Variants in ATP11A observed in about 807,000 individuals in gnomAD.
ATP11A encodes ATPase phospholipid transporting 11A.
ATP11A carries 81 observed loss-of-function variants against 154.4 expected under a neutral mutation model. That is an observed-to-expected ratio of 0.52 (90% CI 0.44 to 0.63). The LOEUF (loss-of-function observed/expected upper bound fraction) is 0.63, where lower values mean the gene tolerates loss of function less well. ATP11A is among the 30% of genes least tolerant of loss of function. The probability of loss-of-function intolerance (pLI) is 0.00; values close to 1 mark genes in which losing one functional copy is unlikely to be tolerated. For missense variants in ATP11A, 1,316 were observed against 1,474.3 expected, an observed-to-expected ratio of 0.89 and a Z score of 1.76; for synonymous variants, 623 against 585.9, an observed-to-expected ratio of 1.06 and a Z score of -0.91.
At chr13:112,766,753 A>G (rs1192910364) in intron 1 of ATP11A, among the ~76,000 whole-genome samples, 1 of 151,066 alleles carries the variant, frequency 6.6e-6, no homozygotes, top group Non-Finnish European at 1.5e-5. Flanking sequence ...CCAGTTCTGC[A>G]GGAAACAGGC....
intron 1 of ATP11A, among the ~76,000 whole-genome samples, chr13:112,783,715 G>A (rs141907277): frequency 1.1e-3 from 160 of 152,366 alleles, no homozygotes; most frequent in African/African-American, 2.9e-3. Flanking sequence ...CCCGTATTCC[G>A]AGGTGGGCTC....
At chr13:112,822,291 C>T (rs1357627773) in intron 8 of ATP11A, among the ~76,000 whole-genome samples, 1 of 152,146 alleles carries the variant, frequency 6.6e-6, no homozygotes, top group South Asian at 2.1e-4. Flanking sequence ...AGCAGGGAAC[C>T]CTGTTATATC....
chr13:112,711,739 G>A (rs532489871), intron 1 of ATP11A, among the ~76,000 whole-genome samples: 2 of 152,332 alleles, frequency 1.3e-5, no homozygotes, highest in South Asian at 2.1e-4. Context: ...CAGAATTCCA[G>A]GCTTGAATTG....
At chr13:112,843,400 C>T (rs1038817234) in intron 17 of ATP11A, among the ~76,000 whole-genome samples, 1 of 152,234 alleles carries the variant, frequency 6.6e-6, no homozygotes, top group Admixed American at 6.5e-5. Context: ...GCACCCTTCT[C>T]CCGACACCAC....
intron 1 of ATP11A, among the ~76,000 whole-genome samples, chr13:112,712,052 C>T (rs557060073): frequency 6.6e-6 from 1 of 152,330 alleles, no homozygotes; most frequent in South Asian, 2.1e-4. Context: ...AGGGGCAGGA[C>T]CTTTTGTCGA....
chr13:112,703,199 A>G (rs1164143761), intron 1 of ATP11A: 1 of 152,232 alleles, frequency 6.6e-6, no homozygotes, highest in Non-Finnish European at 1.5e-5. Context: ...GGGTGTCTGC[A>G]TGGTGAGGTC....
At chr13:112,758,944 TTTACG>T (rs1186236010) in intron 1 of ATP11A, among the ~76,000 whole-genome samples, 3 of 152,262 alleles carry the variant, frequency 2.0e-5, no homozygotes, top group Non-Finnish European at 2.9e-5. Flanking sequence ...GCCTTCATTT[TTTACG>T]TTACATTTTC....
intron 2 of ATP11A, among the ~76,000 whole-genome samples, chr13:112,792,468 C>G (rs895369994): frequency 3.3e-5 from 5 of 152,158 alleles, no homozygotes; most frequent in Non-Finnish European, 7.3e-5. Context: ...GTAGTTAAGA[C>G]TTTTTAAGTG....
chr13:112,819,290 T>G lies in ATP11A; in HGVS notation c.571-14T>G, dbSNP rs762956029. Reference sequence around the variant, plus strand: ...CGTTTTGGCGGTGAGCTCACATGTCTTGTGCATTTGTAGACGCATTACGCG... The same window carrying G: ...CGTTTTGGCGGTGAGCTCACATGTCGTGTGCATTTGTAGACGCATTACGCG... On this transcript the variant is annotated splice_polypyrimidine_tract_variant and intron_variant, in intron 6 of 29. Transcript: ENST00000375645. 7 of 1,613,042 alleles carry G rather than the reference T, an allele frequency of 4.3e-6. No individual in the cohort carries two copies. Among genetic ancestry groups the G allele is most frequent in the Middle Eastern group, 1.6e-4 (1 of 6,074 alleles).
chr13:112,866,466 G>A (rs1418083576), intron 25 of ATP11A, among the ~76,000 whole-genome samples: 1 of 151,658 alleles, frequency 6.6e-6, no homozygotes, highest in Non-Finnish European at 1.5e-5. Flanking sequence ...TAAATTAAAG[G>A]CAGCACAGGC....
At chr13:112,723,926 C>T (rs1294808678) in intron 1 of ATP11A, among the ~76,000 whole-genome samples, 1 of 152,146 alleles carries the variant, frequency 6.6e-6, no homozygotes, top group East Asian at 1.9e-4. Context: ...TCGTGTCACA[C>T]GGGCTCGGGT....
intron 25 of ATP11A, among the ~76,000 whole-genome samples, chr13:112,866,395 G>A (rs985513412): frequency 3.9e-5 from 6 of 151,974 alleles, no homozygotes; most frequent in African/African-American, 1.4e-4. Flanking sequence ...ATGTCAGGGT[G>A]GCCCATTGAG....
intron 16 of ATP11A, among the ~76,000 whole-genome samples, chr13:112,841,305 G>A (rs1420296321): frequency 6.7e-6 from 1 of 148,622 alleles, no homozygotes; most frequent in Non-Finnish European, 1.5e-5. Context: ...CCGCCTGGCA[G>A]AGTGCCACGT....
intron 2 of ATP11A, among the ~76,000 whole-genome samples, chr13:112,797,560 G>A (rs1368614357): frequency 1.3e-5 from 2 of 152,124 alleles, no homozygotes; most frequent in Non-Finnish European, 2.9e-5. Context: ...TGAGAAACAA[G>A]GGTAAGAATT....
intron 17 of ATP11A, among the ~76,000 whole-genome samples, chr13:112,849,864 C>A (rs2079713761): frequency 6.6e-6 from 1 of 152,198 alleles, no homozygotes; most frequent in Admixed American, 6.5e-5. Context: ...AGCGTCTGTT[C>A]AGTGCTACTT....
intron 1 of ATP11A, among the ~76,000 whole-genome samples, chr13:112,767,220 G>A (rs1255724800): frequency 1.5e-3 from 5 of 3,396 alleles, no homozygotes; most frequent in African/African-American, 9.3e-3. Context: ...GTGGGAAGGT[G>A]GGGAGATGTG....
intron 2 of ATP11A, among the ~76,000 whole-genome samples, chr13:112,803,963 T>C (rs2078229886): frequency 1.6e-5 from 1 of 62,156 alleles, no homozygotes; most frequent in Non-Finnish European, 3.1e-5. Flanking sequence ...CCTCCTTTCT[T>C]CCCTTCCTTC....
chr13:112,869,312 AAGCTTAC>A (rs1365066737), intron 25 of ATP11A, among the ~76,000 whole-genome samples: 6 of 152,152 alleles, frequency 3.9e-5, no homozygotes, highest in Non-Finnish European at 5.9e-5. Context: ...CTCACCTATA[AAGCTTAC>A]AGCTGTGGCC....
Position 112,838,314 on chromosome 13 carries a change from G to A in ATP11A, c.1705+2063G>A, listed in dbSNP as rs992917352. 1.3e-5 allele frequency among the ~76,000 whole-genome samples: 2 copies of A among 152,156 alleles called. No individual in the cohort carries two copies. The highest frequency in any genetic ancestry group is 2.4e-5 in the African/African-American group (1 of 41,438). On this transcript the variant is annotated intron_variant, in intron 16 of 29. Transcript: ENST00000375645. The surrounding 1 kb of genome is among the most constrained non-coding windows in gnomAD (Gnocchi z 7.3). ...TCCATCCCGTCACGTGGTTTTCCCC[G>A]TAGCAGTCGAATCTAGCTGTTGAGC... is the stretch of plus-strand genomic sequence containing the variant.
Sources: gnomAD v4.1 joint callset for allele counts (sites outside exome capture counted in the v4.1 genomes callset) on GRCh38, gnomAD v4.1.1 for gene constraint, Gnocchi (gnomAD v3.1) non-coding constraint, MANE v1.5 for transcripts, NCBI Gene and HGNC (gene_info 2026-07-23, HGNC 2026-07-21) for gene names.